Variants in QPCTL observed in about 807,000 individuals in gnomAD.
The protein encoded by QPCTL is glutaminyl-peptide cyclotransferase-like protein.
Under a neutral mutation model 34.6 loss-of-function variants are expected in QPCTL, and 31 were observed. The observed-to-expected ratio is 0.90, with a 90% CI of 0.67 to 1.21. QPCTL has a LOEUF of 1.21. Among genes scored for constraint, QPCTL ranks in the 50% most tolerant of loss-of-function variants. The pLI, the probability that QPCTL is intolerant of heterozygous loss-of-function variation, is 0.00. For missense variants in QPCTL, 474 were observed against 507.8 expected, an observed-to-expected ratio of 0.93 and a Z score of 0.64; for synonymous variants, 223 against 226.9, an observed-to-expected ratio of 0.98 and a Z score of 0.15.
At chr19:45,700,401 G>A (rs1967787439) in intron 5 of QPCTL, among the ~76,000 whole-genome samples, 1 of 149,504 alleles carries the variant, frequency 6.7e-6, no homozygotes, top group African/African-American at 2.5e-5. Flanking sequence ...CTGAAATTGT[G>A]CCACTGCACT....
rs763883947 is a variant in QPCTL at position 45,693,463 on chromosome 19, AC to A, written c.259del (p.Gln87AsnfsTer40). ...AAGCCCGGCTGCGGAGGGTGGTGGG[AC>A]AACTGGATCCACAGCGTCTCTGGAG... Reference protein sequence around the residue: ...PEARLRRVVGQLDPQRLWSTY... With the variant: ...PEARLRRVVGXLDPQRLWSTY... On this transcript the variant is annotated frameshift_variant, in exon 2 of 7. Transcript: ENST00000012049. LOFTEE classifies it high-confidence loss of function. 1.2e-6 allele frequency: 2 copies of A among 1,613,004 alleles called. No individual in the cohort carries two copies. Among genetic ancestry groups the A allele is most frequent in the Non-Finnish European group, 1.7e-6 (2 of 1,179,454 alleles).
At position 45,694,240 on chromosome 19, in the gene QPCTL, G is replaced by A. The variant is rs142156756; in HGVS notation, c.351+684G>A. 1.8e-3 allele frequency among the ~76,000 whole-genome samples: 278 copies of A among 151,998 alleles called. 1 individual carries two copies. The highest frequency in any genetic ancestry group is 6.5e-3 in the African/African-American group (269 of 41,512). On this transcript the variant is annotated intron_variant, in intron 2 of 6. Coordinates refer to ENST00000012049, the MANE Select transcript of QPCTL (RefSeq NM_017659.4). ...ACTAAAAATACAAAATTAGCCAGGC[G>A]TGGTGGTGGGTACCCGTAGTCCCAG...
chr19:45,698,980 C>A, intron 5 of QPCTL, 80 bp downstream of exon 5: 1 of 1,280,070 alleles, frequency 7.8e-7, no homozygotes, highest in Non-Finnish European at 1.1e-6. Context: ...GGACAGGCAC[C>A]TACACTCTAA....
At position 45,698,596 on chromosome 19, in the gene QPCTL, T is replaced by C. The variant is rs1302163909; in HGVS notation, c.683T>C (p.Leu228Pro). The C allele has an allele frequency of 2.5e-6, 4 of 1,614,152 alleles. No individual in the cohort carries two copies. The South Asian group carries it at 4.4e-5, about 18-fold the overall frequency. The change falls in exon 4 of 7, where the codon CTG becomes CCG. Residue 228 changes from leucine (L) to proline (P), a missense_variant. Leu to Pro is a moderately conservative substitution (Grantham distance 98, BLOSUM62 -3). Transcript: ENST00000012049. ...CTCTTCTTGGATGGTGAAGAGGCGC[T>C]GAAGGAGTGGGGACCCAAGGACTCC... ...QLLFLDGEEA[L>P]KEWGPKDSLY...
intron 2 of QPCTL, 56 bp from the exon 3 acceptor site, chr19:45,695,381 T>C: frequency 6.6e-7 from 1 of 1,514,724 alleles, no homozygotes; most frequent in Non-Finnish European, 9.0e-7. Context: ...ACGTGGCCCT[T>C]CTCCCCACCT....
intron 3 of QPCTL, among the ~76,000 whole-genome samples, chr19:45,697,056 G>T (rs1312280548): frequency 6.6e-6 from 1 of 151,966 alleles, no homozygotes; most frequent in East Asian, 1.9e-4. Context: ...AGAGGCGGAG[G>T]TTGCAGTGAG....
At position 45,698,853 on chromosome 19, in the gene QPCTL, G is replaced by A; in HGVS notation, c.839G>A (p.Ser280Asn). The change falls in exon 5 of 7, where the codon AGC (serine) becomes AAC (asparagine). Residue 280 changes from serine (S) to asparagine (N), a missense_variant. By Grantham distance (46) the Ser-to-Asn change is conservative (BLOSUM62 1). Coordinates refer to ENST00000012049, the MANE Select transcript of QPCTL (RefSeq NM_017659.4). ...LLGAPNPTFY[S>N]HFPRTVRWFH... ...GGAGCCCCCAATCCCACCTTCTACA[G>A]CCACTTCCCTCGCACGGTCCGCTGG... The A allele has an allele frequency of 6.2e-7, 1 of 1,614,026 alleles. No homozygotes were observed. Among genetic ancestry groups the A allele is most frequent in the Non-Finnish European group, 8.5e-7 (1 of 1,179,976 alleles).
At chr19:45,697,718 A>G (rs1200189886) in intron 3 of QPCTL, among the ~76,000 whole-genome samples, 1 of 151,726 alleles carries the variant, frequency 6.6e-6, no homozygotes, top group Non-Finnish European at 1.5e-5. Context: ...AAAAGACCCA[A>G]CGCCCTCTCC....
At chr19:45,696,377 G>T (rs1967697370) in intron 3 of QPCTL, among the ~76,000 whole-genome samples, 2 of 152,064 alleles carry the variant, frequency 1.3e-5, no homozygotes, top group Non-Finnish European at 1.5e-5. Flanking sequence ...TGGATCACAA[G>T]GTCAGGAGTT....
intron 5 of QPCTL, among the ~76,000 whole-genome samples, 167 bp from the exon 6 acceptor site, chr19:45,701,631 A>G (rs1967812725): frequency 6.6e-6 from 1 of 152,188 alleles, no homozygotes; most frequent in East Asian, 1.9e-4. Context: ...GAGGGATTGA[A>G]TGAGACCAGG....
chr19:45,700,988 C>G (rs1490625065), intron 5 of QPCTL, among the ~76,000 whole-genome samples: 1 of 149,798 alleles, frequency 6.7e-6, no homozygotes, highest in African/African-American at 2.5e-5. Flanking sequence ...GGCCGGAGGG[C>G]CCAGACATAG....
chr19:45,699,864 G>T (rs567321462), intron 5 of QPCTL, among the ~76,000 whole-genome samples: 1 of 150,566 alleles, frequency 6.6e-6, no homozygotes, highest in African/African-American at 2.4e-5. Context: ...CCTGGGAGGC[G>T]GAGGTTGCAG....
chr19:45,701,383 C>T (rs1199504350), intron 5 of QPCTL, among the ~76,000 whole-genome samples: 2 of 151,760 alleles, frequency 1.3e-5, no homozygotes, highest in African/African-American at 4.8e-5. Flanking sequence ...TCAAGCAATT[C>T]TCCTGCCTCA....
chr19:45,693,634 A>G, intron 2 of QPCTL, 78 bp downstream of exon 2: 1 of 1,497,690 alleles, frequency 6.7e-7, no homozygotes. Context: ...CAAGATCCCA[A>G]AGAAGCTAAG....
Position 45,695,509 on chromosome 19 carries a change from C to T in QPCTL, c.424C>T (p.Pro142Ser), listed in dbSNP as rs1967672927. ...VELDPFTAST[P>S]LGPVDFGNVV... ...GCTGGATCCCTTCACAGCCTCAACACCCCTGGGGCCAGTGGACTTTGGCAA... is the reference window on the plus strand; with the variant it reads ...GCTGGATCCCTTCACAGCCTCAACATCCCTGGGGCCAGTGGACTTTGGCAA... Residue 142 changes from proline (P) to serine (S), a missense_variant, in exon 3 of 7, where the codon CCC (proline) becomes TCC (serine). Physicochemically the swap from Pro to Ser is moderately conservative, Grantham distance 74. Coordinates refer to ENST00000012049, the MANE Select transcript of QPCTL (RefSeq NM_017659.4). 3.1e-6 allele frequency: 5 copies of T among 1,614,126 alleles called. No homozygotes were observed. Among genetic ancestry groups the T allele is most frequent in the Middle Eastern group, 1.6e-4 (1 of 6,062 alleles).
chr19:45,693,294 TG>T, intron 1 of QPCTL, 118 bp from the exon 2 acceptor site: 1 of 1,323,322 alleles, frequency 7.6e-7, no homozygotes, highest in Non-Finnish European at 1.0e-6. Flanking sequence ...TCTCCGATGC[TG>T]GAGGCGGCAG....
rs745311354 is a variant in QPCTL, at chr19:45,695,662, C to G, written c.577C>G (p.Leu193Val). 15 of 1,613,806 alleles carry G rather than the reference C, an allele frequency of 9.3e-6. No individual in the cohort carries two copies. The Admixed American group carries it at 1.2e-4, about 13-fold the overall frequency. Residue 193 changes from leucine (L) to valine (V), a missense_variant, in exon 3 of 7, where the codon CTG becomes GTG. Leu to Val is a conservative substitution (Grantham distance 32). Transcript: ENST00000012049. Reference sequence around the variant, plus strand: ...CACGGATTCGGCTGTGCCCTGTGCCCTGCTGCTGGAGCTGGCCCAAGCACT... The same window carrying G: ...CACGGATTCGGCTGTGCCCTGTGCCGTGCTGCTGGAGCTGGCCCAAGCACT... ...GATDSAVPCA[L>V]LLELAQALDL... is the part of the protein sequence containing the mutation.
In QPCTL at chr19:45,692,922, C is replaced by T. The variant is rs1471749406; in HGVS notation, c.207+12C>T. The T allele has an allele frequency of 5.9e-6, 9 of 1,530,958 alleles. No homozygotes were observed. The highest frequency in any genetic ancestry group is 7.0e-6 in the Non-Finnish European group (8 of 1,143,090). The allele number at this position is 1,530,958 out of a possible 1,614,324, so 94.8% of individuals were successfully genotyped here. On this transcript the variant is annotated intron_variant, in intron 1 of 6. Coordinates refer to ENST00000012049, the MANE Select transcript of QPCTL (RefSeq NM_017659.4). ...GCCGGGAGCTGCGGGTGAGGCTGGGCGGGGACCCGGGCACCGCGGGGACCC... is the reference window on the plus strand; with the variant it reads ...GCCGGGAGCTGCGGGTGAGGCTGGGTGGGGACCCGGGCACCGCGGGGACCC...
chr19:45,702,763 C>G, intron 6 of QPCTL, 141 bp from the exon 7 acceptor site: 1 of 825,576 alleles, frequency 1.2e-6, no homozygotes, highest in South Asian at 1.7e-5. Context: ...GACTCTGTCT[C>G]AAAAAAAAAA....
Sources: gnomAD v4.1 joint callset for allele counts (sites outside exome capture counted in the v4.1 genomes callset) on GRCh38, gnomAD v4.1.1 for gene constraint, MANE v1.5 for transcripts, NCBI Gene and HGNC (gene_info 2026-07-23, HGNC 2026-07-21) for gene names.